DNAH14: variants seen among roughly 807,000 people sequenced by gnomAD.
DNAH14 encodes dynein axonemal heavy chain 14, also known as axonemal beta dynein heavy chain 14.
Under a neutral mutation model 520.9 loss-of-function variants are expected in DNAH14, and 478 were observed. That is an observed-to-expected ratio of 0.92 (90% confidence interval 0.85 to 0.99). The LOEUF (loss-of-function observed/expected upper bound fraction) is 0.99. Among genes scored for constraint, DNAH14 ranks in the 50% least tolerant of loss-of-function variants. The pLI, the probability that DNAH14 is intolerant of heterozygous loss-of-function variation, is 0.00. For missense variants in DNAH14, 4,831 were observed against 5,234.5 expected, an observed-to-expected ratio of 0.92 and a Z score of 2.38; for synonymous variants, 1,581 against 1,757.2, an observed-to-expected ratio of 0.90 and a Z score of 2.51.
intron 17 of DNAH14, among the ~76,000 whole-genome samples, chr1:225,057,084 T>C (rs891283077): frequency 6.6e-6 from 1 of 152,268 alleles, no homozygotes; most frequent in Non-Finnish European, 1.5e-5. Context: ...CTTTGGTAGC[T>C]TGATGGGGAT....
chr1:225,176,830 T>C lies in DNAH14; in HGVS notation c.5536-8461T>C, dbSNP rs150708809. On this transcript the variant is annotated intron_variant, in intron 36 of 85. Transcript: ENST00000682510. Reference sequence around the variant, plus strand: ...GTGGAACTGTAAGTTCAATTAAACCTCTTTCTTTTATAAATTGCCCAGTCT... The same window carrying C: ...GTGGAACTGTAAGTTCAATTAAACCCCTTTCTTTTATAAATTGCCCAGTCT... Among the ~76,000 whole-genome samples, 762 of 152,346 alleles carry C rather than the reference T, an allele frequency of 5.0e-3. 6 individuals are homozygous for C. The highest frequency in any genetic ancestry group is 0.017 in the African/African-American group (719 of 41,566).
At position 224,953,667 on chromosome 1, in the gene DNAH14, G is replaced by A. The variant is rs149784752; in HGVS notation, c.77+888G>A. 5.0e-3 allele frequency among the ~76,000 whole-genome samples: 755 copies of A among 152,248 alleles called. 6 individuals carry two copies. Among genetic ancestry groups the A allele is most frequent in the African/African-American group, 0.017 (713 of 41,550 alleles). On this transcript the variant is annotated intron_variant, in intron 2 of 85. Coordinates refer to ENST00000682510, the MANE Select transcript of DNAH14 (RefSeq NM_001367479.1). ...CATTTTAAGTGAACATAGACTTGGC[G>A]TTATAGGTTAGTGAGGATTGAGTGG...
At chr1:225,219,692 G>A (rs997555276) in intron 41 of DNAH14, among the ~76,000 whole-genome samples, 2 of 152,074 alleles carry the variant, frequency 1.3e-5, no homozygotes, top group African/African-American at 4.8e-5. Context: ...AAAAAGCCCA[G>A]GACCAGACAG....
intron 44 of DNAH14, among the ~76,000 whole-genome samples, chr1:225,255,597 G>T (rs1283334958): frequency 1.3e-5 from 2 of 152,182 alleles, no homozygotes; most frequent in Admixed American, 6.5e-5. Context: ...GGGAATCCCT[G>T]AGTAGTCTCC....
intron 23 of DNAH14, among the ~76,000 whole-genome samples, chr1:225,102,714 T>C (rs1573090303): frequency 2.6e-5 from 4 of 152,232 alleles, no homozygotes; most frequent in African/African-American, 7.2e-5. Flanking sequence ...GTTCATATCC[T>C]TCGCCCACTT....
rs940045028 is a variant in DNAH14, at chr1:225,340,644, G to A, written c.10621G>A (p.Ala3541Thr). Residue 3541 changes from alanine (A) to threonine (T), a missense_variant, in exon 69 of 86, where the codon GCC becomes ACC. Transcript: ENST00000682510. ...GTTACTGGAGAGTATTTCCCTTGAT[G>A]CCATAACTCTTGAAGAACTAGAGGA... ...SKLLESISLD[A>T]ITLEELEEKT... 2 of 1,551,252 alleles carry A rather than the reference G, an allele frequency of 1.3e-6. No individual in the cohort carries two copies. Among genetic ancestry groups the A allele is most frequent in the African/African-American group, 2.7e-5 (2 of 73,024 alleles).
At chr1:225,083,517 A>G (rs1470758543) in intron 20 of DNAH14, among the ~76,000 whole-genome samples, 1 of 152,100 alleles carries the variant, frequency 6.6e-6, no homozygotes, top group African/African-American at 2.4e-5. Context: ...CAATATCTCT[A>G]CTTATATGTC....
At chr1:225,194,387 A>G (rs918063791) in intron 38 of DNAH14, among the ~76,000 whole-genome samples, 3 of 152,134 alleles carry the variant, frequency 2.0e-5, no homozygotes, top group Non-Finnish European at 2.9e-5. Flanking sequence ...ATCTTTGACA[A>G]AGTTGACAAA....
chr1:225,378,177 T>A (rs2095727942), intron 79 of DNAH14, among the ~76,000 whole-genome samples: 1 of 151,952 alleles, frequency 6.6e-6, no homozygotes, highest in South Asian at 2.1e-4. Context: ...ATAAACATAC[T>A]AGATATGCTT....
chr1:225,058,353 A>C lies in DNAH14; in HGVS notation c.2424+6558A>C, dbSNP rs191171769. The stretch of plus-strand genomic sequence containing the variant: ...ATAGTATTCTCTGATGGTAGTTTGT[A>C]TTTCTGTGGGATTGGTGGTGATATC... On this transcript the variant is annotated intron_variant, in intron 17 of 85. Coordinates refer to ENST00000682510, the MANE Select transcript of DNAH14 (RefSeq NM_001367479.1). Among the ~76,000 whole-genome samples the C allele has an allele frequency of 9.7e-4, 147 of 152,232 alleles. 2 individuals carry two copies. In the East Asian group the frequency reaches 0.023, roughly 24 times the overall value.
intron 77 of DNAH14, among the ~76,000 whole-genome samples, chr1:225,370,076 G>A (rs2095600920): frequency 6.6e-6 from 1 of 152,092 alleles, no homozygotes; most frequent in Non-Finnish European, 1.5e-5. Flanking sequence ...GATCACCTAA[G>A]GTCGGGAGTT....
At chr1:224,930,632 C>G (rs1019078196) in intron 1 of DNAH14, among the ~76,000 whole-genome samples, 4 of 152,258 alleles carry the variant, frequency 2.6e-5, no homozygotes, top group East Asian at 1.9e-4. Context: ...GAGCCTCGCT[C>G]TGTCGCCCAG....
intron 77 of DNAH14, among the ~76,000 whole-genome samples, chr1:225,374,208 C>A (rs1468498608): frequency 2.0e-5 from 1 of 51,258 alleles, no homozygotes; most frequent in African/African-American, 6.3e-5. Flanking sequence ...ATAAACTATT[C>A]TAGTAAGACA....
chr1:225,388,153 T>G (rs2150812181), intron 81 of DNAH14, among the ~76,000 whole-genome samples: 1 of 152,314 alleles, frequency 6.6e-6, no homozygotes, highest in Middle Eastern at 3.4e-3. Context: ...TCAGCCAGGA[T>G]GGAAGCTTCC....
At chr1:224,941,323 A>G (rs1161317632) in intron 1 of DNAH14, among the ~76,000 whole-genome samples, 1 of 152,072 alleles carries the variant, frequency 6.6e-6, no homozygotes, top group African/African-American at 2.4e-5. Flanking sequence ...TCTTCTTTTG[A>G]GAAGTGTCTG....
chr1:225,049,633 A>AT (rs1159998461), intron 15 of DNAH14, among the ~76,000 whole-genome samples: 5 of 151,558 alleles, frequency 3.3e-5, no homozygotes, highest in African/African-American at 1.2e-4. Flanking sequence ...GATCACACAG[A>AT]TTTTCTCTCC....
chr1:225,353,460 C>G (rs147936899), intron 72 of DNAH14, among the ~76,000 whole-genome samples: 215 of 152,248 alleles, frequency 1.4e-3, no homozygotes, highest in African/African-American at 5.0e-3. Flanking sequence ...CAGAAAAACA[C>G]CACATATACA....
At chr1:225,040,367 ATAT>A (rs1381856434) in intron 12 of DNAH14, among the ~76,000 whole-genome samples, 2 of 152,256 alleles carry the variant, frequency 1.3e-5, no homozygotes, top group Non-Finnish European at 2.9e-5. Context: ...ATGCATCGAA[ATAT>A]TAACAATGGT....
intron 72 of DNAH14, among the ~76,000 whole-genome samples, chr1:225,353,550 T>G (rs1168528003): frequency 6.6e-6 from 1 of 152,214 alleles, no homozygotes; most frequent in African/African-American, 2.4e-5. Flanking sequence ...TCTTGTTATA[T>G]TACTATTCAT....
Sources: gnomAD v4.1 joint callset for allele counts (sites outside exome capture counted in the v4.1 genomes callset) on GRCh38, gnomAD v4.1.1 for gene constraint, MANE v1.5 for transcripts, NCBI Gene and HGNC (gene_info 2026-07-23, HGNC 2026-07-21) for gene names.